The following GABRG1 variants were observed in gnomAD, a reference collection of about 807,000 sequenced individuals.
GABRG1 encodes gamma-aminobutyric acid receptor subunit gamma-1.
GABRG1 carries 49 observed loss-of-function variants against 49.8 expected under a neutral mutation model. The ratio of observed to expected loss-of-function variants is 0.98; its 90% CI spans 0.78 to 1.25. GABRG1 has a LOEUF of 1.25. Among genes scored for constraint, GABRG1 ranks in the 50% most tolerant of loss-of-function variants. The pLI is 0.00. For missense variants in GABRG1, 552 were observed against 552.3 expected, an observed-to-expected ratio of 1.00 and a Z score of 0.01; for synonymous variants, 232 against 185.1, an observed-to-expected ratio of 1.25 and a Z score of -2.06.
chr4:46,093,831 T>G (rs1720083507), intron 2 of GABRG1, among the ~76,000 whole-genome samples: 1 of 151,932 alleles, frequency 6.6e-6, no homozygotes, highest in African/African-American at 2.4e-5. Context: ...AAGCAAAATC[T>G]TACTGGACTA....
chr4:46,075,756 A>C (rs1719303305), intron 3 of GABRG1, among the ~76,000 whole-genome samples: 1 of 152,120 alleles, frequency 6.6e-6, no homozygotes, highest in Non-Finnish European at 1.5e-5. Flanking sequence ...ATCTAATTGC[A>C]GAATTCCAGG....
chr4:46,080,854 T>C (rs559176063), intron 3 of GABRG1, among the ~76,000 whole-genome samples: 1 of 151,998 alleles, frequency 6.6e-6, no homozygotes, highest in Non-Finnish European at 1.5e-5. Flanking sequence ...ACTTAGAAAC[T>C]AAACATTACA....
intron 5 of GABRG1, among the ~76,000 whole-genome samples, chr4:46,058,869 AAT>A (rs1256911499): frequency 1.3e-5 from 2 of 152,074 alleles, no homozygotes; most frequent in East Asian, 3.9e-4. Context: ...CAGAAAACCC[AAT>A]ATGTCCACCC....
chr4:46,050,309 C>CA (rs1466848091), intron 8 of GABRG1, among the ~76,000 whole-genome samples: 1 of 151,700 alleles, frequency 6.6e-6, no homozygotes, highest in Non-Finnish European at 1.5e-5. Flanking sequence ...TATCTGAAAG[C>CA]AAAATACACC....
intron 2 of GABRG1, among the ~76,000 whole-genome samples, chr4:46,093,815 T>C (rs1720082805): frequency 1.3e-5 from 2 of 151,964 alleles, no homozygotes; most frequent in African/African-American, 4.8e-5. Flanking sequence ...AGTTTCAATA[T>C]GTATAAAGCA....
intron 3 of GABRG1, among the ~76,000 whole-genome samples, chr4:46,081,573 C>A (rs1378762173): frequency 1.3e-5 from 2 of 151,648 alleles, no homozygotes; most frequent in Non-Finnish European, 2.9e-5. Context: ...GGTTCACCAG[C>A]TATAAAGTGG....
intron 1 of GABRG1, among the ~76,000 whole-genome samples, chr4:46,101,200 A>G (rs889564005): frequency 6.6e-6 from 1 of 151,684 alleles, no homozygotes; most frequent in Non-Finnish European, 1.5e-5. Flanking sequence ...TGAGAAAATA[A>G]GAGATTATAG....
chr4:46,069,177 T>A (rs1365323697), intron 3 of GABRG1, among the ~76,000 whole-genome samples: 1 of 152,070 alleles, frequency 6.6e-6, no homozygotes, highest in Non-Finnish European at 1.5e-5. Flanking sequence ...TCACAAAAAA[T>A]TCAAGACCTG....
chr4:46,101,701 A>C (rs1044870777), intron 1 of GABRG1, among the ~76,000 whole-genome samples: 4 of 151,762 alleles, frequency 2.6e-5, no homozygotes, highest in African/African-American at 9.7e-5. Context: ...TAAGATGCTT[A>C]TCACGGTATT....
intron 2 of GABRG1, among the ~76,000 whole-genome samples, chr4:46,092,140 C>T (rs2109428299): frequency 6.6e-6 from 1 of 151,932 alleles, no homozygotes; most frequent in East Asian, 2.0e-4. Context: ...GAGAGACTTG[C>T]ACCAAAAGAA....
chr4:46,058,709 T>A, intron 5 of GABRG1, 87 bp from the exon 6 acceptor site: 1 of 981,292 alleles, frequency 1.0e-6, no homozygotes, highest in Non-Finnish European at 1.5e-6. Context: ...TTCTTGGAAC[T>A]TTCTCCTCTT....
At chr4:46,113,110 C>G (rs1238716256) in intron 1 of GABRG1, among the ~76,000 whole-genome samples, 1 of 151,110 alleles carries the variant, frequency 6.6e-6, no homozygotes, top group Non-Finnish European at 1.5e-5. Flanking sequence ...TCACTATTTG[C>G]TCTTCTATCC....
intron 7 of GABRG1, among the ~76,000 whole-genome samples, chr4:46,052,219 G>T (rs1285583174): frequency 1.6e-5 from 2 of 125,282 alleles, no homozygotes; most frequent in African/African-American, 6.2e-5. Context: ...GCATTGTATC[G>T]CCTTGAAATA....
chr4:46,040,726 A>G lies in GABRG1; in HGVS notation c.*262T>C, dbSNP rs927663066. 3.8e-6 allele frequency: 1 copy of G among 260,176 alleles called. No homozygotes were observed. Among genetic ancestry groups the G allele is most frequent in the Non-Finnish European group, 7.2e-6 (1 of 139,190 alleles). 16.1% of individuals were successfully genotyped at this position (260,176 alleles called of 1,614,324 possible). ...CTTAAAAATTCAAAATTATAATAAC[A>G]TATAAGTAAATTAAAGAAAATTTAA... On this transcript the variant is annotated 3_prime_UTR_variant, in exon 9 of 9. Coordinates refer to ENST00000295452, the MANE Select transcript of GABRG1 (RefSeq NM_173536.4).
chr4:46,053,980 C>A (rs12511942), intron 7 of GABRG1, among the ~76,000 whole-genome samples: 36 of 38,366 alleles, frequency 9.4e-4, no homozygotes, highest in African/African-American at 1.7e-3. Context: ...CTACAATAGT[C>A]TCCCATCGTT....
chr4:46,109,124 T>A (rs1720646007), intron 1 of GABRG1, among the ~76,000 whole-genome samples: 2 of 151,046 alleles, frequency 1.3e-5, no homozygotes, highest in Non-Finnish European at 1.5e-5. Flanking sequence ...CTAGTAGAAT[T>A]TGGCTGTGAA....
intron 7 of GABRG1, among the ~76,000 whole-genome samples, chr4:46,057,941 G>A (rs989813605): frequency 6.6e-6 from 1 of 152,128 alleles, no homozygotes; most frequent in African/African-American, 2.4e-5. Context: ...TGATTTTCAT[G>A]TATTAATTCT....
At chr4:46,048,435 T>C (rs1298156528) in intron 8 of GABRG1, among the ~76,000 whole-genome samples, 1 of 127,672 alleles carries the variant, frequency 7.8e-6, no homozygotes, top group Non-Finnish European at 1.6e-5. Flanking sequence ...TCTTCCAAGG[T>C]AGAAAAAAGA....
intron 5 of GABRG1, among the ~76,000 whole-genome samples, chr4:46,063,236 G>A (rs867714100): frequency 6.6e-6 from 1 of 151,998 alleles, no homozygotes. Context: ...AAAGAACAAA[G>A]CTGGAGGCAT....
Sources: allele counts gnomAD v4.1 joint callset (sites outside exome capture counted in the v4.1 genomes callset), GRCh38; gene constraint gnomAD v4.1.1; transcripts MANE v1.5; gene names NCBI Gene and HGNC (gene_info 2026-07-23, HGNC 2026-07-21).